The following GALNT13 variants were observed in gnomAD, a reference collection of about 807,000 sequenced individuals.
GALNT13 encodes the protein UDP-GalNAc:polypeptide N-acetylgalactosaminyltransferase 13.
GALNT13 carries 28 observed loss-of-function variants against 64.2 expected under a neutral mutation model. That is an observed-to-expected ratio of 0.44 (90% CI 0.32 to 0.60). GALNT13 has a LOEUF of 0.60. GALNT13 is among the 20% of genes least tolerant of loss of function. GALNT13 has a pLI of 0.05. For missense variants in GALNT13, 577 were observed against 669.8 expected, an observed-to-expected ratio of 0.86 and a Z score of 1.53; for synonymous variants, 214 against 224.6, an observed-to-expected ratio of 0.95 and a Z score of 0.42.
At chr2:153,744,877 G>T in the GALNT13 span, among the ~76,000 whole-genome samples, 2 of 152,112 alleles carry the variant, frequency 1.3e-5, no homozygotes, top group Non-Finnish European at 2.9e-5. Context: ...TCCCAGGTGA[G>T]GTGAGGTGGT....
intron 3 of GALNT13, among the ~76,000 whole-genome samples, chr2:153,967,043 ATTC>A (rs1693418918): frequency 6.6e-6 from 1 of 152,072 alleles, no homozygotes; most frequent in African/African-American, 2.4e-5. Context: ...CGTCACTTGA[ATTC>A]TTCATCTCTA....
the GALNT13 span, among the ~76,000 whole-genome samples, chr2:153,674,887 G>A: frequency 1.9e-4 from 29 of 152,020 alleles, no homozygotes; most frequent in Admixed American, 1.2e-3. Flanking sequence ...TTGAGCGAAG[G>A]ATATGAACAG....
intron 8 of GALNT13, among the ~76,000 whole-genome samples, chr2:154,268,574 T>C (rs1691150961): frequency 6.6e-6 from 1 of 152,148 alleles, no homozygotes; most frequent in African/African-American, 2.4e-5. Context: ...CAGTTCATTA[T>C]ATGTTAGTTA....
chr2:153,229,121 G>A, the GALNT13 span, among the ~76,000 whole-genome samples: 2 of 152,094 alleles, frequency 1.3e-5, no homozygotes, highest in Non-Finnish European at 2.9e-5. Flanking sequence ...ATTATGGGTG[G>A]GGCATACACT....
At chr2:154,027,105 A>AATATC (rs2105296381) in intron 3 of GALNT13, among the ~76,000 whole-genome samples, 1 of 152,296 alleles carries the variant, frequency 6.6e-6, no homozygotes, top group Non-Finnish European at 1.5e-5. Flanking sequence ...TGATATGTAG[A>AATATC]ATATCATATT....
the GALNT13 span, among the ~76,000 whole-genome samples, chr2:153,777,900 G>A: frequency 6.6e-6 from 1 of 152,138 alleles, no homozygotes; most frequent in Non-Finnish European, 1.5e-5. Flanking sequence ...TTTGTATCCC[G>A]GGTTCTTGCC....
rs559563695 is a variant in GALNT13, at chr2:154,060,405, G to A, written c.143-79932G>A. Among the ~76,000 whole-genome samples the A allele has an allele frequency of 1.5e-3, 227 of 152,188 alleles. 1 individual carries two copies. Among genetic ancestry groups the A allele is most frequent in the Non-Finnish European group, 2.4e-3 (160 of 68,012 alleles). ...GAGTTTCGCTCTGTTGCCCAGGCTGGAGTGCAGTGGCGTGATCTCATCTCG... is the reference window on the plus strand; with the variant it reads ...GAGTTTCGCTCTGTTGCCCAGGCTGAAGTGCAGTGGCGTGATCTCATCTCG... On this transcript the variant is annotated intron_variant, in intron 3 of 12. Coordinates refer to ENST00000392825, the MANE Select transcript of GALNT13 (RefSeq NM_052917.4).
At chr2:154,072,524 A>G (rs1700786297) in intron 3 of GALNT13, among the ~76,000 whole-genome samples, 1 of 152,000 alleles carries the variant, frequency 6.6e-6, no homozygotes, top group East Asian at 1.9e-4. Context: ...CATCAATGTA[A>G]CCCTCTAGCT....
At chr2:153,671,234 C>G in the GALNT13 span, among the ~76,000 whole-genome samples, 1 of 152,076 alleles carries the variant, frequency 6.6e-6, no homozygotes, top group Non-Finnish European at 1.5e-5. Context: ...AGAGCAACCC[C>G]AAGACACATG....
At chr2:153,353,781 C>T in the GALNT13 span, among the ~76,000 whole-genome samples, 1 of 152,142 alleles carries the variant, frequency 6.6e-6, no homozygotes, top group African/African-American at 2.4e-5. Flanking sequence ...ACAAGTCTTA[C>T]ATACCTGGAA....
chr2:154,326,916 G>A (rs145881735), intron 9 of GALNT13, among the ~76,000 whole-genome samples: 48 of 152,128 alleles, frequency 3.2e-4, no homozygotes, highest in African/African-American at 1.1e-3. Flanking sequence ...AGTCATTTTG[G>A]TTCGTCCATC....
chr2:153,166,929 C>T, the GALNT13 span, among the ~76,000 whole-genome samples: 1 of 152,214 alleles, frequency 6.6e-6, no homozygotes, highest in African/African-American at 2.4e-5. Flanking sequence ...CTGAATTCTA[C>T]CAACAACCAT....
At chr2:153,725,379 C>T in the GALNT13 span, among the ~76,000 whole-genome samples, 4 of 150,584 alleles carry the variant, frequency 2.7e-5, no homozygotes, top group South Asian at 2.1e-4. Context: ...GTGGGTGCAG[C>T]GCACCAGCAT....
chr2:153,103,414 C>G, the GALNT13 span, among the ~76,000 whole-genome samples: 1 of 152,234 alleles, frequency 6.6e-6, no homozygotes, highest in African/African-American at 2.4e-5. Flanking sequence ...TTCCTGCCCA[C>G]TCTACATAGG....
rs376298344 is a variant in GALNT13 at position 154,227,955 on chromosome 2, T to G, written c.312-14075T>G. On this transcript the variant is annotated intron_variant, in intron 4 of 12. Transcript: ENST00000392825. ...TCTGTTTTTAGTAGTGGTATTTCCA[T>G]TTACAAAATATGGTAATTCTCAATC... 2.1e-4 allele frequency among the ~76,000 whole-genome samples: 32 copies of G among 152,282 alleles called. No individual in the cohort carries two copies. In the East Asian group the frequency reaches 3.5e-3, roughly 17 times the overall value.
chr2:153,780,232 T>TATATATGC, the GALNT13 span, among the ~76,000 whole-genome samples: 2 of 9,316 alleles, frequency 2.1e-4, no homozygotes, highest in African/African-American at 5.4e-4. Context: ...TATATATATA[T>TATATATGC]ATATATATAT....
chr2:153,669,110 C>T, the GALNT13 span, among the ~76,000 whole-genome samples: 1 of 152,150 alleles, frequency 6.6e-6, no homozygotes, highest in Non-Finnish European at 1.5e-5. Flanking sequence ...CATTCTAGCT[C>T]CTGCACTGTA....
At chr2:153,638,162 T>C in the GALNT13 span, among the ~76,000 whole-genome samples, 1 of 151,974 alleles carries the variant, frequency 6.6e-6, no homozygotes, top group South Asian at 2.1e-4. Context: ...ATAGAGTGAG[T>C]TGGGATCAGA....
chr2:153,433,334 T>G, the GALNT13 span, among the ~76,000 whole-genome samples: 5 of 152,294 alleles, frequency 3.3e-5, no homozygotes, highest in African/African-American at 1.2e-4. Flanking sequence ...ATTTAAGGTG[T>G]TTTTATTTCC....
Sources: gnomAD v4.1 joint callset for allele counts (sites outside exome capture counted in the v4.1 genomes callset) on GRCh38, gnomAD v4.1.1 for gene constraint, MANE v1.5 for transcripts, NCBI Gene and HGNC (gene_info 2026-07-23, HGNC 2026-07-21) for gene names.